The following ELK4 variants were observed in gnomAD, a reference collection of about 807,000 sequenced individuals.
ELK4 encodes ETS domain-containing protein Elk-4.
Under a neutral mutation model 29.6 loss-of-function variants are expected in ELK4, and 16 were observed. The observed-to-expected ratio is 0.54, with a 90% CI of 0.37 to 0.82. The LOEUF is 0.82. Ranked by LOEUF, ELK4 falls within the 40% of genes least tolerant of loss-of-function variation. ELK4 has a pLI of 0.00. For missense variants in ELK4, 465 were observed against 507.1 expected (o/e 0.92, Z 0.80); for synonymous variants, 213 against 191.1 (o/e 1.11, Z -0.95).
rs1473532386 is a variant in ELK4, at chr1:205,623,682, A to C, written c.201T>G (p.Tyr67Ter). 3.7e-6 allele frequency: 6 copies of C among 1,613,944 alleles called. No individual in the cohort carries two copies. Among genetic ancestry groups the C allele is most frequent in the African/African-American group, 1.3e-5 (1 of 74,912 alleles). ...AGATCAGGATGTGTACTACCTTTAC[A>C]TAATAGTATCTGAGGGCTCGGCTGA... is the stretch of plus-strand genomic sequence containing the variant. ...DKLSRALRYYYVKNIIKKVNG... is the reference protein window; with the variant it reads ...DKLSRALRYY Residue 67 changes from tyrosine to a stop codon, truncating the protein, a stop_gained, in exon 2 of 5, where the codon TAT (tyrosine) becomes TAG (stop). Coordinates refer to ENST00000357992, the MANE Select transcript of ELK4 (RefSeq NM_001973.4). LOFTEE classifies it high-confidence loss of function.
chr1:205,628,194 G>A (rs1375413281), intron 1 of ELK4, among the ~76,000 whole-genome samples: 1 of 152,198 alleles, frequency 6.6e-6, no homozygotes, highest in Non-Finnish European at 1.5e-5. Flanking sequence ...TTATACTACG[G>A]CCATTAAGTA....
chr1:205,622,792 A>G (rs567125333), intron 2 of ELK4, among the ~76,000 whole-genome samples: 21 of 152,226 alleles, frequency 1.4e-4, no homozygotes, highest in Non-Finnish European at 2.2e-4. Context: ...TTTCTTTTAA[A>G]GACAACTGTA....
In ELK4 at chr1:205,612,351, C is replaced by T. The variant is rs1670163653; in HGVS notation, c.*4195G>A. On this transcript the variant is annotated 3_prime_UTR_variant, in exon 5 of 5. Coordinates refer to ENST00000357992, the MANE Select transcript of ELK4 (RefSeq NM_001973.4). Reference sequence around the variant, plus strand: ...TGCTTCTGGAGGGTGCACAAGACAACCAACTGGGGTGTGGGAAGAAAATAC... The same window carrying T: ...TGCTTCTGGAGGGTGCACAAGACAATCAACTGGGGTGTGGGAAGAAAATAC... 1.4e-5 allele frequency: 3 copies of T among 215,384 alleles called. No homozygotes were observed. The East Asian group carries it at 2.1e-4, about 15-fold the overall frequency. 13.3% of individuals were successfully genotyped at this position (215,384 alleles called of 1,614,324 possible).
At chr1:205,626,752 G>A (rs541509354) in intron 1 of ELK4, among the ~76,000 whole-genome samples, 1 of 152,284 alleles carries the variant, frequency 6.6e-6, no homozygotes, top group East Asian at 1.9e-4. Context: ...AAATGGTGTA[G>A]CCACTTTGGA....
chr1:205,609,370 C>A lies in ELK4; in HGVS notation c.*7176G>T, dbSNP rs759211751. ...GACTGGACTGAATTTCATATTTAATCTTCCCTGCCCACAAAGATAAATGAA... is the reference window on the plus strand; with the variant it reads ...GACTGGACTGAATTTCATATTTAATATTCCCTGCCCACAAAGATAAATGAA... On this transcript the variant is annotated 3_prime_UTR_variant, in exon 5 of 5. Coordinates refer to ENST00000357992, the MANE Select transcript of ELK4 (RefSeq NM_001973.4). 1.6e-5 allele frequency: 3 copies of A among 192,386 alleles called. No homozygotes were observed. Among genetic ancestry groups the A allele is most frequent in the Non-Finnish European group, 3.3e-5 (3 of 92,080 alleles). The allele number at this position is 192,386 out of a possible 1,614,324, so 11.9% of individuals were successfully genotyped here. A position where few individuals can be genotyped will look rare whatever the true frequency, so the allele number is the denominator to read the frequency against.
rs1324987736 is a variant in ELK4 at position 205,613,588 on chromosome 1, T to A, written c.*2958A>T. On this transcript the variant is annotated 3_prime_UTR_variant, in exon 5 of 5. Transcript: ENST00000357992. ...GAGTAACTAATTTATATCAAAGAAT[T>A]TGATATAAAATTCTAATTTATATTA... 5.6e-6 allele frequency: 1 copy of A among 179,872 alleles called. No homozygotes were observed. The highest frequency in any genetic ancestry group is 1.2e-5 in the Non-Finnish European group (1 of 84,218). The allele number at this position is 179,872 out of a possible 1,614,324, so 11.1% of individuals were successfully genotyped here. A position where few individuals can be genotyped will look rare whatever the true frequency, so the allele number is the denominator to read the frequency against.
rs149424146 is a variant in ELK4, at chr1:205,620,530, G to A, written c.516C>T (p.Ala172=). 2.2e-4 allele frequency: 357 copies of A among 1,614,118 alleles called. 2 individuals carry two copies. In the East Asian group the frequency reaches 5.7e-3, roughly 26 times the overall value. The part of the protein sequence containing the change: ...LFKLIKTENP[A]EKLAEKKSPQ... ...GAGATTTTTTCTCTGCCAGTTTCTC[G>A]GCTGGATTCTCAGTCTTTATCAATT... Residue 172 remains alanine, a synonymous_variant, in exon 3 of 5, where the codon GCC becomes GCT. Transcript: ENST00000357992.
chr1:205,626,864 GAATT>G (rs1670475366), intron 1 of ELK4, among the ~76,000 whole-genome samples: 2 of 152,114 alleles, frequency 1.3e-5, no homozygotes. Context: ...GTTCATAGCA[GAATT>G]ATTCATAACA....
At chr1:205,628,211 A>C (rs1024428277) in intron 1 of ELK4, among the ~76,000 whole-genome samples, 2 of 152,216 alleles carry the variant, frequency 1.3e-5, no homozygotes, top group East Asian at 3.8e-4. Flanking sequence ...AGTATGGTGG[A>C]AGCAGGCAGG....
intron 1 of ELK4, chr1:205,625,969 GC>G: frequency 1.9e-6 from 2 of 1,045,854 alleles, no homozygotes; most frequent in Non-Finnish European, 3.0e-6. Context: ...AAGCCACTGC[GC>G]CCGGCCCAGT....
At chr1:205,618,364 T>C (rs1023645511) in intron 4 of ELK4, among the ~76,000 whole-genome samples, 12 of 151,800 alleles carry the variant, frequency 7.9e-5, no homozygotes, top group African/African-American at 2.9e-4. Flanking sequence ...GAATTTCTAG[T>C]GACAAAAACT....
At position 205,614,686 on chromosome 1, in the gene ELK4, C is replaced by T. The variant is rs1309962630; in HGVS notation, c.*1860G>A. 8.9e-6 allele frequency: 2 copies of T among 224,320 alleles called. No homozygotes were observed. The highest frequency in any genetic ancestry group is 4.5e-5 in the African/African-American group (2 of 44,842). The allele number at this position is 224,320 out of a possible 1,614,324, so 13.9% of individuals were successfully genotyped here. On this transcript the variant is annotated 3_prime_UTR_variant, in exon 5 of 5. Coordinates refer to ENST00000357992, the MANE Select transcript of ELK4 (RefSeq NM_001973.4). ...TAGATGTCTTCTTATACAAGAGCTT[C>T]TCTACACTGTATATAAGCACATTTA...
chr1:205,618,741 T>C (rs1183458429), intron 4 of ELK4, among the ~76,000 whole-genome samples: 1 of 152,202 alleles, frequency 6.6e-6, no homozygotes, highest in African/African-American at 2.4e-5. Context: ...GAGAATCGCT[T>C]GAACCTGGAA....
intron 4 of ELK4, among the ~76,000 whole-genome samples, chr1:205,618,269 A>G (rs1670269760): frequency 6.6e-6 from 1 of 151,898 alleles, no homozygotes; most frequent in Non-Finnish European, 1.5e-5. Flanking sequence ...GAGCTCAAGC[A>G]ATCTTCCTGC....
In ELK4 at chr1:205,631,803, C is replaced by A; in HGVS notation, c.-181G>T. ...CCAAGCCGAGCCCGCCGGGTGCCCG[C>A]AGCCGCCCGCATCTCCCGCCGCCGC... On this transcript the variant is annotated 5_prime_UTR_variant, in exon 1 of 5. Transcript: ENST00000357992. 1 of 158,628 alleles carries A rather than the reference C, an allele frequency of 6.3e-6. No individual in the cohort carries two copies. The highest frequency in any genetic ancestry group is 1.3e-5 in the Non-Finnish European group (1 of 75,122). 9.8% of individuals were successfully genotyped at this position (158,628 alleles called of 1,614,324 possible).
chr1:205,630,745 G>A (rs942418834), intron 1 of ELK4, among the ~76,000 whole-genome samples: 2 of 152,192 alleles, frequency 1.3e-5, no homozygotes, highest in African/African-American at 4.8e-5. Flanking sequence ...AGAGAAGAGT[G>A]TTCCTGAAGG....
chr1:205,625,582 T>G (rs918802047), intron 1 of ELK4: 1 of 1,146,272 alleles, frequency 8.7e-7, no homozygotes, highest in Admixed American at 1.7e-5. Context: ...CCGGTGATAG[T>G]AGAAAAGGCT....
Position 205,620,757 on chromosome 1 carries a change from T to A in ELK4, c.289A>T (p.Thr97Ser), listed in dbSNP as rs747986207. The change falls in exon 3 of 5, where the codon ACA (threonine) becomes TCA (serine). Residue 97 changes from threonine to serine, a missense_variant. By Grantham distance (58) the Thr-to-Ser change is moderately conservative. Transcript: ENST00000357992. Reference protein sequence around the residue: ...YPEILNMDPMTVGRIEGDCES... With the variant: ...YPEILNMDPMSVGRIEGDCES... ...CAGTCACCCTCAATCCTGCCCACTG[T>A]CATTGGATCCATGTTCAAAATCTCT... The A allele has an allele frequency of 1.5e-5, 24 of 1,614,028 alleles. No homozygotes were observed. The highest frequency in any genetic ancestry group is 8.3e-5 in the Admixed American group (5 of 59,998).
At chr1:205,627,261 G>C (rs1185011720) in intron 1 of ELK4, among the ~76,000 whole-genome samples, 1 of 152,182 alleles carries the variant, frequency 6.6e-6, no homozygotes, top group Non-Finnish European at 1.5e-5. Flanking sequence ...TGTAATCCCA[G>C]CACTTTGGGA....
Sources: gnomAD v4.1 joint callset for allele counts (sites outside exome capture counted in the v4.1 genomes callset) on GRCh38, gnomAD v4.1.1 for gene constraint, MANE v1.5 for transcripts, NCBI Gene and HGNC (gene_info 2026-07-23, HGNC 2026-07-21) for gene names.